Variants in HAUS6 observed in about 807,000 individuals in gnomAD.
The protein encoded by HAUS6 is HAUS augmin like complex subunit 6.
A neutral mutation model predicts 106.8 loss-of-function variants in HAUS6; 80 were observed. That is an observed-to-expected ratio of 0.75 (90% CI 0.63 to 0.90). The LOEUF (loss-of-function observed/expected upper bound fraction) is 0.90. HAUS6 is among the 40% of genes least tolerant of loss of function. The pLI is 0.00. For missense variants in HAUS6, 1,155 were observed against 1,118.1 expected (o/e 1.03, Z -0.47); for synonymous variants, 356 against 379.1 (o/e 0.94, Z 0.71).
At chr9:19,100,004 C>G (rs1817953574) in intron 1 of HAUS6, among the ~76,000 whole-genome samples, 2 of 152,174 alleles carry the variant, frequency 1.3e-5, no homozygotes, top group African/African-American at 4.8e-5. Flanking sequence ...TTCCGCCTGG[C>G]TAAGATGGAG....
intron 2 of HAUS6, 143 bp from the exon 3 acceptor site, chr9:19,094,538 T>A: frequency 1.7e-6 from 1 of 598,234 alleles, no homozygotes; most frequent in Admixed American, 3.2e-5. Context: ...ACACTTTTAA[T>A]CCCAGCACTT....
intron 9 of HAUS6, among the ~76,000 whole-genome samples, chr9:19,080,174 C>CCA (rs1554689922): frequency 2.7e-5 from 1 of 37,592 alleles, no homozygotes; most frequent in African/African-American, 8.9e-5. Context: ...AACTCCGTCT[C>CCA]AAAAAAAAAA....
intron 1 of HAUS6, among the ~76,000 whole-genome samples, chr9:19,100,812 T>G (rs1383054553): frequency 1.3e-5 from 2 of 152,170 alleles, no homozygotes; most frequent in Non-Finnish European, 2.9e-5. Flanking sequence ...CTGGAGGTCA[T>G]TATCTTAAGT....
rs1228233569 is a variant in HAUS6, at chr9:19,055,769, G to T, written c.*574C>A. ...TTATTCCATCAAACATCACTTCTCA[G>T]GATCATTCTACCTGAAGAATCATTA... On this transcript the variant is annotated 3_prime_UTR_variant, in exon 17 of 17. Transcript: ENST00000380502. 1 of 151,972 alleles carries T rather than the reference G, an allele frequency of 6.6e-6. No homozygotes were observed. Among genetic ancestry groups the T allele is most frequent in the East Asian group, 1.9e-4 (1 of 5,180 alleles). The allele number at this position is 151,972 out of a possible 1,614,324, so 9.4% of individuals were successfully genotyped here.
intron 1 of HAUS6, among the ~76,000 whole-genome samples, chr9:19,101,192 A>C (rs1279155920): frequency 6.6e-6 from 1 of 152,214 alleles, no homozygotes; most frequent in Non-Finnish European, 1.5e-5. Context: ...AAAATATCAA[A>C]ATTTTATATC....
chr9:19,086,846 G>T, intron 6 of HAUS6, 64 bp from the exon 7 acceptor site: 1 of 725,542 alleles, frequency 1.4e-6, no homozygotes, highest in South Asian at 1.7e-5. Context: ...AATATCCAAA[G>T]AGCTAATTAG....
At chr9:19,077,873 C>A (rs1837045394) in intron 10 of HAUS6, among the ~76,000 whole-genome samples, 1 of 152,008 alleles carries the variant, frequency 6.6e-6, no homozygotes, top group African/African-American at 2.4e-5. Context: ...CCAGCCTTGG[C>A]AATATAGGGA....
rs776186176 is a variant in HAUS6, at chr9:19,076,679, G to C, written c.1217C>G (p.Ser406Cys). 1 of 1,551,222 alleles carries C rather than the reference G, an allele frequency of 6.4e-7. No individual in the cohort carries two copies. Among genetic ancestry groups the C allele is most frequent in the East Asian group, 2.2e-5 (1 of 44,532 alleles). ...TGAGGCAGGATCAAACGAAAGGGGA[G>C]ACATTGGTGGTAAAAGATCTACAGA... The part of the protein sequence containing the change: ...TPSVDLLPPM[S>C]PLSFDPASEE... Residue 406 changes from serine to cysteine, a missense_variant, in exon 11 of 17, where the codon TCT becomes TGT. By Grantham distance (112) the Ser-to-Cys change is moderately radical. Transcript: ENST00000380502.
chr9:19,094,396 C>G lies in HAUS6; in HGVS notation c.225-1G>C. On this transcript the variant is annotated splice_acceptor_variant, in intron 2 of 16. Coordinates refer to ENST00000380502, the MANE Select transcript of HAUS6 (RefSeq NM_017645.5). LOFTEE classifies it high-confidence loss of function. ...TTGGTCAAATGGGGGCCAACAAAATCTGGAAAACAAAAATAAAAGCGTAAG... is the reference window on the plus strand; with the variant it reads ...TTGGTCAAATGGGGGCCAACAAAATGTGGAAAACAAAAATAAAAGCGTAAG... 7 of 1,586,740 alleles carry G rather than the reference C, an allele frequency of 4.4e-6. No homozygotes were observed. The highest frequency in any genetic ancestry group is 6.0e-6 in the Non-Finnish European group (7 of 1,157,770).
rs979832450 is a variant in HAUS6, at chr9:19,055,046, T to G, written c.*1297A>C. On this transcript the variant is annotated 3_prime_UTR_variant, in exon 17 of 17. Transcript: ENST00000380502. The stretch of plus-strand genomic sequence containing the variant: ...CCATTGCAAAGAAGGTAGTTACATG[T>G]GCTTTCTTTTGTCTTTTCTCACAAA... 2.6e-5 allele frequency: 4 copies of G among 152,254 alleles called. No individual in the cohort carries two copies. The highest frequency in any genetic ancestry group is 9.6e-5 in the African/African-American group (4 of 41,464). The allele number at this position is 152,254 out of a possible 1,614,324, so 9.4% of individuals were successfully genotyped here.
At chr9:19,085,565 T>C (rs1837270126) in intron 7 of HAUS6, among the ~76,000 whole-genome samples, 1 of 150,456 alleles carries the variant, frequency 6.6e-6, no homozygotes, top group Non-Finnish European at 1.5e-5. Context: ...CACAGCAGCT[T>C]GGCATGGCAA....
chr9:19,086,204 G>A (rs1166097029), intron 7 of HAUS6, among the ~76,000 whole-genome samples: 1 of 151,870 alleles, frequency 6.6e-6, no homozygotes, highest in African/African-American at 2.4e-5. Context: ...CCACCTACTA[G>A]GGAGGCTGAG....
At chr9:19,092,225 G>C (rs1432295502) in intron 4 of HAUS6, among the ~76,000 whole-genome samples, 1 of 151,868 alleles carries the variant, frequency 6.6e-6, no homozygotes, top group Non-Finnish European at 1.5e-5. Context: ...AGGAGGCCAA[G>C]GCAGGAAGAC....
In HAUS6 at chr9:19,086,728, T is replaced by A. The variant is rs1298928484; in HGVS notation, c.699+6A>T. 1 of 1,220,878 alleles carries A rather than the reference T, an allele frequency of 8.2e-7. No individual in the cohort carries two copies. 75.6% of individuals were successfully genotyped at this position (1,220,878 alleles called of 1,614,324 possible). Reference sequence around the variant, plus strand: ...ATTAAATTTCTCCTTTTATAAGTTGTCTCACCTTTTGAATTTTTTCTTCCA... The same window carrying A: ...ATTAAATTTCTCCTTTTATAAGTTGACTCACCTTTTGAATTTTTTCTTCCA... On this transcript the variant is annotated splice_donor_region_variant and intron_variant, in intron 7 of 16. Coordinates refer to ENST00000380502, the MANE Select transcript of HAUS6 (RefSeq NM_017645.5).
At chr9:19,091,453 T>A (rs1817745262) in intron 4 of HAUS6, among the ~76,000 whole-genome samples, 1 of 152,206 alleles carries the variant, frequency 6.6e-6, no homozygotes, top group Non-Finnish European at 1.5e-5. Flanking sequence ...TTATGCCTTA[T>A]TAAATCCAAA....
rs150594763 is a variant in HAUS6, at chr9:19,083,278, T to C, written c.700-235A>G. Among the ~76,000 whole-genome samples, 289 of 152,184 alleles carry C rather than the reference T, an allele frequency of 1.9e-3. 1 individual carries two copies. Among genetic ancestry groups the C allele is most frequent in the African/African-American group, 6.8e-3 (282 of 41,544 alleles). On this transcript the variant is annotated intron_variant, in intron 7 of 16. Transcript: ENST00000380502. ...TATAATTTTCAAACAAATCTAAGAA[T>C]TTTTTTGTTTTCAGAGATGGGGTCT...
chr9:19,081,651 G>C (rs1837153300), intron 8 of HAUS6, among the ~76,000 whole-genome samples: 1 of 152,002 alleles, frequency 6.6e-6, no homozygotes, highest in Non-Finnish European at 1.5e-5. Flanking sequence ...TGTTGGCCAG[G>C]CTGGTCTCAA....
intron 1 of HAUS6, among the ~76,000 whole-genome samples, chr9:19,099,821 G>A (rs10119019): frequency 0.37 from 56,579 of 151,848 alleles, 11,297 homozygotes; most frequent in Non-Finnish European, 0.44. Flanking sequence ...AGGCTGACGC[G>A]GGAGGATCAC....
chr9:19,093,063 G>C, intron 4 of HAUS6, 108 bp downstream of exon 4: 1 of 814,734 alleles, frequency 1.2e-6, no homozygotes, highest in Non-Finnish European at 1.9e-6. Context: ...GTACATTAAT[G>C]TTTTAACTTA....
Sources: allele counts gnomAD v4.1 joint callset (sites outside exome capture counted in the v4.1 genomes callset), GRCh38; gene constraint gnomAD v4.1.1; transcripts MANE v1.5; gene names NCBI Gene and HGNC (gene_info 2026-07-23, HGNC 2026-07-21).